Variants in ATIC observed in about 807,000 individuals in gnomAD.
ATIC encodes the protein 5-aminoimidazole-4-carboxamide ribonucleotide formyltransferase/IMP cyclohydrolase.
ATIC carries 64 observed loss-of-function variants against 72.5 expected under a neutral mutation model. That is an observed-to-expected ratio of 0.88 (90% CI 0.72 to 1.09). The LOEUF (loss-of-function observed/expected upper bound fraction) is 1.09, where lower values mean the gene tolerates loss of function less well. ATIC is among the 50% of genes least tolerant of loss of function. ATIC has a pLI of 0.00. For missense variants in ATIC, 787 were observed against 732.4 expected (o/e 1.07, Z -0.86); for synonymous variants, 281 against 267.1 (o/e 1.05, Z -0.51).
At chr2:215,366,684 G>A in the ATIC span, among the ~76,000 whole-genome samples, 16 of 152,106 alleles carry the variant, frequency 1.1e-4, no homozygotes, top group African/African-American at 3.6e-4. Context: ...CCTGCCTTAA[G>A]CTACAAAGTA....
the ATIC span, chr2:215,364,766 T>C: frequency 4.1e-6 from 3 of 733,778 alleles, no homozygotes; most frequent in Admixed American, 2.0e-5. Flanking sequence ...GGAAATGTGG[T>C]ATTTTAATAC....
chr2:215,353,317 C>T (rs2053144693), downstream of ATIC, among the ~76,000 whole-genome samples: 3 of 151,956 alleles, frequency 2.0e-5, no homozygotes, highest in African/African-American at 2.4e-5. Context: ...AAAGCTTTAA[C>T]TCCCAGTTTC....
intron 15 of ATIC, 73 bp downstream of exon 15, chr2:215,349,322 G>A (rs2053107240): frequency 6.2e-7 from 1 of 1,606,380 alleles, no homozygotes; most frequent in Non-Finnish European, 8.5e-7. Flanking sequence ...TCCTGCTTTT[G>A]ATTTTTAAAA....
the ATIC span, among the ~76,000 whole-genome samples, chr2:215,368,384 C>G: frequency 1.3e-5 from 2 of 152,174 alleles, no homozygotes; most frequent in Non-Finnish European, 2.9e-5. Context: ...CCATTGGTAC[C>G]TGAGTGACCT....
intron 10 of ATIC, 37 bp downstream of exon 10, chr2:215,335,041 A>C: frequency 6.8e-7 from 1 of 1,469,962 alleles, no homozygotes; most frequent in Non-Finnish European, 9.5e-7. Context: ...CTGTGTGTTG[A>C]ATAAAGCTTT....
chr2:215,366,319 A>C, the ATIC span, among the ~76,000 whole-genome samples: 1 of 152,152 alleles, frequency 6.6e-6, no homozygotes, highest in Non-Finnish European at 1.5e-5. Flanking sequence ...TTAGGAATAG[A>C]TCCTAGATGA....
the ATIC span, among the ~76,000 whole-genome samples, chr2:215,365,293 G>A: frequency 6.6e-6 from 1 of 152,176 alleles, no homozygotes; most frequent in Non-Finnish European, 1.5e-5. Flanking sequence ...TACTCAGGTT[G>A]GACAAGTGCT....
At chr2:215,335,967 T>G (rs1351919991) in intron 10 of ATIC, 68 bp from the exon 11 acceptor site, 2 of 1,238,084 alleles carry the variant, frequency 1.6e-6, no homozygotes, top group Non-Finnish European at 2.3e-6. Flanking sequence ...TGATAATTGC[T>G]GCTAGATTTT....
the ATIC span, among the ~76,000 whole-genome samples, chr2:215,358,120 A>T: frequency 4.6e-5 from 7 of 152,328 alleles, no homozygotes; most frequent in Non-Finnish European, 7.4e-5. Context: ...TCACCTCCAT[A>T]GAAAGGGTGC....
chr2:215,347,718 T>G (rs1294990784), intron 14 of ATIC: 7 of 477,004 alleles, frequency 1.5e-5, no homozygotes, highest in Non-Finnish European at 2.9e-5. Flanking sequence ...ATACTTGGAT[T>G]TTTCTGTTTG....
chr2:215,335,450 G>GAAAAGAGA (rs1203962830), intron 10 of ATIC, among the ~76,000 whole-genome samples: 2 of 152,070 alleles, frequency 1.3e-5, no homozygotes, highest in South Asian at 2.1e-4. Flanking sequence ...AAGACAGGAA[G>GAAAAGAGA]AAAAGAGAAA....
At chr2:215,333,213 A>T (rs1190006305) in intron 8 of ATIC, 137 bp from the exon 9 acceptor site, 7 of 733,532 alleles carry the variant, frequency 9.5e-6, no homozygotes, top group Non-Finnish European at 1.7e-5. Flanking sequence ...CTGGCTAAAT[A>T]GATTTCTGTT....
intron 2 of ATIC, among the ~76,000 whole-genome samples, chr2:215,313,236 A>T (rs143982618): frequency 6.6e-6 from 1 of 152,230 alleles, no homozygotes; most frequent in Non-Finnish European, 1.5e-5. Flanking sequence ...TAGGTGGGCC[A>T]CTTGTTATGC....
At chr2:215,330,806 G>GAGGGAT (rs2052884193) in intron 7 of ATIC, among the ~76,000 whole-genome samples, 2 of 151,416 alleles carry the variant, frequency 1.3e-5, no homozygotes, top group Admixed American at 1.3e-4. Context: ...GGCCTCTCAA[G>GAGGGAT]TAGCTGGGAT....
chr2:215,367,233 T>A, the ATIC span, among the ~76,000 whole-genome samples: 1 of 152,218 alleles, frequency 6.6e-6, no homozygotes, highest in Non-Finnish European at 1.5e-5. Flanking sequence ...AATAGATATT[T>A]CCTAGGCACA....
At chr2:215,343,152 G>T (rs2177735) in intron 12 of ATIC, among the ~76,000 whole-genome samples, 1 of 150,808 alleles carries the variant, frequency 6.6e-6, no homozygotes, top group Admixed American at 6.6e-5. Context: ...TTTTGGTATT[G>T]CTACTTTTTT....
At chr2:215,346,014 C>T (rs1297296347) in intron 13 of ATIC, among the ~76,000 whole-genome samples, 5 of 152,114 alleles carry the variant, frequency 3.3e-5, no homozygotes, top group Non-Finnish European at 7.4e-5. Context: ...TTGTACCTGG[C>T]GGAATTGTTT....
rs1223089124 is a variant in ATIC, at chr2:215,335,907, A to G, written c.1009-128A>G. On this transcript the variant is annotated intron_variant, in intron 10 of 15. Coordinates refer to ENST00000236959, the MANE Select transcript of ATIC (RefSeq NM_004044.7). Reference sequence around the variant, plus strand: ...TTCTCTTTTCAAGTATAGCGTTAGCATTGTTTGTTGGAGGCAGAAACCAGA... The same window carrying G: ...TTCTCTTTTCAAGTATAGCGTTAGCGTTGTTTGTTGGAGGCAGAAACCAGA... 7.0e-6 allele frequency: 5 copies of G among 714,444 alleles called. No homozygotes were observed. The East Asian group carries it at 8.2e-5, about 12-fold the overall frequency. 44.3% of individuals were successfully genotyped at this position (714,444 alleles called of 1,614,324 possible).
intron 14 of ATIC, 128 bp from the exon 15 acceptor site, chr2:215,348,966 A>T (rs61469558): frequency 0.23 from 154,260 of 677,320 alleles, 20,592 homozygotes; most frequent in East Asian, 0.62. Flanking sequence ...AAAAAAAAAA[A>T]AATAATAATA....
Sources: gnomAD v4.1 joint callset for allele counts (sites outside exome capture counted in the v4.1 genomes callset) on GRCh38, gnomAD v4.1.1 for gene constraint, MANE v1.5 for transcripts, NCBI Gene and HGNC (gene_info 2026-07-23, HGNC 2026-07-21) for gene names.